Variants in LMF1 observed in about 807,000 individuals in gnomAD.
LMF1 encodes the protein lipase maturation factor 1.
Under a neutral mutation model 60.6 loss-of-function variants are expected in LMF1, and 68 were observed. The ratio of observed to expected loss-of-function variants is 1.12; its 90% CI spans 0.92 to 1.37. The LOEUF is 1.37. Ranked by LOEUF, LMF1 falls within the 40% of genes most tolerant of loss-of-function variation. The pLI, the probability that LMF1 is intolerant of heterozygous loss-of-function variation, is 0.00. For missense variants in LMF1, 948 were observed against 767.2 expected, an observed-to-expected ratio of 1.24 and a Z score of -2.78; for synonymous variants, 418 against 324.7, an observed-to-expected ratio of 1.29 and a Z score of -3.09.
At chr16:976,478 G>C (rs1334822202) in intron 1 of LMF1, 1 of 454,106 alleles carries the variant, frequency 2.2e-6, no homozygotes, top group Non-Finnish European at 4.4e-6. Context: ...CCCAGGCTGG[G>C]CCTCCCTCGA....
intron 10 of LMF1, 144 bp from the exon 11 acceptor site, chr16:854,850 G>C: frequency 1.3e-6 from 1 of 763,866 alleles, no homozygotes; most frequent in African/African-American, 1.7e-5. Context: ...CCTGAGCACA[G>C]GTAGACCCCC....
intron 4 of LMF1, among the ~76,000 whole-genome samples, chr16:908,339 C>T (rs1223557238): frequency 6.6e-6 from 1 of 152,154 alleles, no homozygotes; most frequent in Non-Finnish European, 1.5e-5. Context: ...ATCTGGATGC[C>T]GGGTTGCAGC....
chr16:887,947 A>G (rs1374640992), intron 5 of LMF1, among the ~76,000 whole-genome samples: 1 of 152,130 alleles, frequency 6.6e-6, no homozygotes, highest in Non-Finnish European at 1.5e-5. Context: ...CCCCAGGCAG[A>G]TCCAGGGGAC....
chr16:918,434 C>A (rs768905372), intron 3 of LMF1, among the ~76,000 whole-genome samples: 1 of 152,212 alleles, frequency 6.6e-6, no homozygotes, highest in Non-Finnish European at 1.5e-5. Context: ...TTCCCGTCCA[C>A]GGAAATTAGA....
intron 6 of LMF1, among the ~76,000 whole-genome samples, chr16:876,730 G>A (rs528794390): frequency 1.3e-4 from 19 of 151,788 alleles, no homozygotes; most frequent in South Asian, 4.2e-4. Flanking sequence ...CGGGCTGGGC[G>A]GGCTGAGGAC....
chr16:877,736 C>T (rs560432015), intron 6 of LMF1, among the ~76,000 whole-genome samples: 2 of 152,240 alleles, frequency 1.3e-5, no homozygotes, highest in East Asian at 1.9e-4. Context: ...CACTCGAGCC[C>T]GCCCAGCAGG....
chr16:872,297 CG>C (rs1279066702), intron 6 of LMF1: 1 of 152,146 alleles, frequency 6.6e-6, no homozygotes, highest in Non-Finnish European at 1.5e-5. Context: ...CCTTTATCCC[CG>C]TAACTCAGGA....
chr16:886,861 C>T (rs1351651263), intron 5 of LMF1: 1 of 102,638 alleles, frequency 9.7e-6, no homozygotes, highest in Non-Finnish European at 2.1e-5. Flanking sequence ...GTTCCCCAGG[C>T]CCCTCCCACC....
intron 5 of LMF1, among the ~76,000 whole-genome samples, chr16:887,594 C>T (rs1040069257): frequency 4.6e-5 from 7 of 152,318 alleles, no homozygotes; most frequent in Admixed American, 2.0e-4. Flanking sequence ...CTCCCACCCA[C>T]GCCTGGAGGC....
chr16:934,341 C>G (rs2071879622), intron 2 of LMF1, 87 bp from the exon 3 acceptor site: 3 of 1,543,274 alleles, frequency 1.9e-6, no homozygotes, highest in Middle Eastern at 3.4e-4. Flanking sequence ...GAAGCCCACC[C>G]TGGCACCCAG....
At chr16:895,522 G>A (rs370999785) in intron 4 of LMF1, among the ~76,000 whole-genome samples, 61 of 152,334 alleles carry the variant, frequency 4.0e-4, no homozygotes, top group South Asian at 1.2e-3. Context: ...ACATGTGACC[G>A]AGAAGGCAGC....
intron 10 of LMF1, among the ~76,000 whole-genome samples, chr16:859,319 G>C (rs1161112328): frequency 1.8e-4 from 2 of 10,956 alleles, no homozygotes; most frequent in Non-Finnish European, 3.3e-4. Context: ...CGGGTGTGCA[G>C]TGTTGTCACG....
At chr16:956,278 G>A (rs374213348) in intron 1 of LMF1, among the ~76,000 whole-genome samples, 3 of 151,212 alleles carry the variant, frequency 2.0e-5, no homozygotes, top group Non-Finnish European at 2.9e-5. Context: ...CATGTCCCAC[G>A]GCGCCCACCC....
rs1443925178 is a variant in LMF1, at chr16:955,485, A to T, written c.194-819T>A. ...GGTGTGTGCATACACACACACACAC[A>T]TCTAAGTAAACTAGACACGTTACAT... On this transcript the variant is annotated intron_variant, in intron 1 of 10. Transcript: ENST00000262301. Among the ~76,000 whole-genome samples the T allele has an allele frequency of 2.0e-5, 3 of 148,242 alleles. No homozygotes were observed. The East Asian group carries it at 6.0e-4, about 30-fold the overall frequency.
chr16:904,349 T>C (rs1473547414), intron 4 of LMF1, among the ~76,000 whole-genome samples: 20 of 87,664 alleles, frequency 2.3e-4, no homozygotes, highest in Non-Finnish European at 3.2e-4. Context: ...GACCTCTGCA[T>C]CGCCCACAGG....
intron 4 of LMF1, among the ~76,000 whole-genome samples, chr16:895,365 AGCAC>A (rs2070633995): frequency 6.6e-6 from 1 of 152,230 alleles, no homozygotes; most frequent in Non-Finnish European, 1.5e-5. Flanking sequence ...ACCTCCCAGT[AGCAC>A]GGAGGCCAGT....
chr16:963,527 G>A, intron 1 of LMF1, among the ~76,000 whole-genome samples: 1 of 152,156 alleles, frequency 6.6e-6, no homozygotes, highest in Admixed American at 6.5e-5. Flanking sequence ...GTGTGCGTGT[G>A]CAGGGATGCA....
At chr16:876,298 G>A (rs189371446) in intron 6 of LMF1, among the ~76,000 whole-genome samples, 7 of 152,376 alleles carry the variant, frequency 4.6e-5, no homozygotes, top group African/African-American at 1.7e-4. Flanking sequence ...TAGGATGTCC[G>A]GAAGAGGCAG....
intron 2 of LMF1, among the ~76,000 whole-genome samples, chr16:945,525 C>CAAAA (rs72449666): frequency 7.0e-6 from 1 of 143,464 alleles, no homozygotes; most frequent in African/African-American, 2.5e-5. Context: ...GAGGCTGTCT[C>CAAAA]AAAAAAAAAA....
Sources: allele counts gnomAD v4.1 joint callset (sites outside exome capture counted in the v4.1 genomes callset), GRCh38; gene constraint gnomAD v4.1.1; transcripts MANE v1.5; gene names NCBI Gene and HGNC (gene_info 2026-07-23, HGNC 2026-07-21).